The following RERG variants were observed in gnomAD, a reference collection of about 807,000 sequenced individuals.
RERG encodes RAS like estrogen regulated growth inhibitor.
RERG carries 25 observed loss-of-function variants against 23.2 expected under a neutral mutation model. That is an observed-to-expected ratio of 1.08 (90% CI 0.79 to 1.50). The LOEUF (loss-of-function observed/expected upper bound fraction) is 1.50. RERG is among the 40% of genes most tolerant of loss of function. RERG has a pLI of 0.00. For synonymous variants in RERG, 81 were observed against 89.1 expected, an observed-to-expected ratio of 0.91 and a Z score of 0.51; for missense variants, 253 against 250.1, an observed-to-expected ratio of 1.01 and a Z score of -0.08.
intron 3 of RERG, among the ~76,000 whole-genome samples, chr12:15,115,351 A>G (rs1219222341): frequency 6.6e-6 from 1 of 152,118 alleles, no homozygotes; most frequent in Non-Finnish European, 1.5e-5. Context: ...CAGATAATAA[A>G]TGGTAGAGGC....
intron 2 of RERG, among the ~76,000 whole-genome samples, chr12:15,204,809 A>C (rs1865262660): frequency 6.6e-6 from 1 of 151,880 alleles, no homozygotes; most frequent in Non-Finnish European, 1.5e-5. Flanking sequence ...TCTGATAATA[A>C]ATAGCTTACC....
Position 15,221,247 on chromosome 12 carries a change from G to A in RERG, c.-167C>T, listed in dbSNP as rs1865508734. ...CTACGGTCCTCTGCAAGTTCGGAAT[G>A]GGTCCCCCAAGATCGCGAAGCCCTC... is the stretch of plus-strand genomic sequence containing the variant. On this transcript the variant is annotated 5_prime_UTR_variant, in exon 1 of 5. Coordinates refer to ENST00000256953, the MANE Select transcript of RERG (RefSeq NM_032918.3). The A allele has an allele frequency of 6.6e-6, 1 of 152,348 alleles. No homozygotes were observed. Among genetic ancestry groups the A allele is most frequent in the Admixed American group, 6.5e-5 (1 of 15,292 alleles). The allele number at this position is 152,348 out of a possible 1,614,324, so 9.4% of individuals were successfully genotyped here. A position where few individuals can be genotyped will look rare whatever the true frequency, so the allele number is the denominator to read the frequency against.
At chr12:15,202,151 T>A (rs1187254720) in intron 2 of RERG, among the ~76,000 whole-genome samples, 1 of 151,830 alleles carries the variant, frequency 6.6e-6, no homozygotes, top group East Asian at 1.9e-4. Context: ...ATATATTTAA[T>A]GTTTACAATT....
intron 2 of RERG, among the ~76,000 whole-genome samples, chr12:15,162,993 A>G (rs1337468785): frequency 6.6e-6 from 1 of 152,206 alleles, no homozygotes; most frequent in Admixed American, 6.5e-5. Context: ...GATTTTTGCT[A>G]AGAATTTTGA....
At chr12:15,184,724 C>T (rs1285482403) in intron 2 of RERG, among the ~76,000 whole-genome samples, 1 of 152,086 alleles carries the variant, frequency 6.6e-6, no homozygotes, top group African/African-American at 2.4e-5. Flanking sequence ...ATGAATATTG[C>T]CAAGTCAGCT....
intron 2 of RERG, among the ~76,000 whole-genome samples, chr12:15,150,533 A>C (rs551226259): frequency 6.6e-6 from 1 of 152,280 alleles, no homozygotes; most frequent in South Asian, 2.1e-4. Context: ...CTAATATATC[A>C]TCGTAATATG....
At chr12:15,133,259 C>T (rs1435657555) in intron 2 of RERG, among the ~76,000 whole-genome samples, 1 of 150,958 alleles carries the variant, frequency 6.6e-6, no homozygotes, top group Non-Finnish European at 1.5e-5. Flanking sequence ...CCTCTCTTCC[C>T]CCTAAATCTT....
At chr12:15,192,819 G>A (rs1865089928) in intron 2 of RERG, among the ~76,000 whole-genome samples, 1 of 152,178 alleles carries the variant, frequency 6.6e-6, no homozygotes, top group African/African-American at 2.4e-5. Flanking sequence ...ATTTTGCAGA[G>A]TGTCTTTGAT....
Position 15,109,289 on chromosome 12 carries a change from C to G in RERG, c.421G>C (p.Ala141Pro). 6.2e-7 allele frequency: 1 copy of G among 1,614,122 alleles called. No individual in the cohort carries two copies. The highest frequency in any genetic ancestry group is 8.5e-7 in the Non-Finnish European group (1 of 1,180,010). Reference protein sequence around the residue: ...EEGEKLATELACAFYECSACT... With the variant: ...EEGEKLATELPCAFYECSACT... The stretch of plus-strand genomic sequence containing the variant: ...GCAGAGCACTCGTAAAAAGCACAAG[C>G]CAATTCTGTGGCCAGCTTCTCTCCT... Residue 141 changes from alanine to proline, a missense_variant, in exon 5 of 5, where the codon GCT becomes CCT. Coordinates refer to ENST00000256953, the MANE Select transcript of RERG (RefSeq NM_032918.3).
chr12:15,192,657 T>C (rs958048518), intron 2 of RERG, among the ~76,000 whole-genome samples: 2 of 152,172 alleles, frequency 1.3e-5, no homozygotes, highest in African/African-American at 4.8e-5. Context: ...TTTTTTCCAA[T>C]AATGCTGTTT....
chr12:15,177,178 C>T (rs566729557), intron 2 of RERG, among the ~76,000 whole-genome samples: 9 of 152,302 alleles, frequency 5.9e-5, no homozygotes, highest in South Asian at 2.1e-4. Context: ...CATGGCTGGA[C>T]GCTGTGGCTC....
intron 4 of RERG, among the ~76,000 whole-genome samples, chr12:15,110,255 C>A (rs978356160): frequency 1.3e-5 from 2 of 151,984 alleles, no homozygotes; most frequent in Non-Finnish European, 2.9e-5. Context: ...CATGCACCTC[C>A]CTGCTGCCTC....
intron 2 of RERG, among the ~76,000 whole-genome samples, chr12:15,163,856 A>G (rs1382568052): frequency 6.6e-6 from 1 of 152,146 alleles, no homozygotes; most frequent in Non-Finnish European, 1.5e-5. Context: ...ATGGGACCCA[A>G]TTACTCCACA....
chr12:15,214,881 G>A (rs535687638), intron 2 of RERG, among the ~76,000 whole-genome samples: 2 of 152,166 alleles, frequency 1.3e-5, no homozygotes, highest in East Asian at 3.9e-4. Flanking sequence ...AGTAGTTTGT[G>A]GTCGTTTTCA....
intron 2 of RERG, among the ~76,000 whole-genome samples, chr12:15,155,993 A>G (rs1049187373): frequency 8.7e-6 from 1 of 115,596 alleles, no homozygotes; most frequent in Admixed American, 9.2e-5. Flanking sequence ...CTTAAAGTAT[A>G]ATAAAAAAAT....
chr12:15,175,341 G>GTGTGTGTGTGTT (rs1425534361), intron 2 of RERG, among the ~76,000 whole-genome samples: 6 of 128,176 alleles, frequency 4.7e-5, no homozygotes, highest in African/African-American at 2.0e-4. Context: ...CTCTGTGTGT[G>GTGTGTGTGTGTT]TGTGTGTGTG....
chr12:15,166,499 A>ATGG lies in RERG; in HGVS notation c.62-45383_62-45381dup, dbSNP rs1555126073. 8.6e-4 allele frequency among the ~76,000 whole-genome samples: 129 copies of ATGG among 150,444 alleles called. 21 individuals carry two copies. The highest frequency in any genetic ancestry group is 2.3e-3 in the South Asian group (11 of 4,798). On this transcript the variant is annotated intron_variant, in intron 2 of 4. Coordinates refer to ENST00000256953, the MANE Select transcript of RERG (RefSeq NM_032918.3). Reference sequence around the variant, plus strand: ...GATGATGATGATGATGATGATGATGATGGGGATGGTGGTGATGGTGGTGAT... The same window carrying ATGG: ...GATGATGATGATGATGATGATGATGATGGTGGGGATGGTGGTGATGGTGGTGAT...
intron 2 of RERG, among the ~76,000 whole-genome samples, chr12:15,122,012 A>G (rs1197174102): frequency 6.7e-6 from 1 of 148,872 alleles, no homozygotes; most frequent in Non-Finnish European, 1.5e-5. Flanking sequence ...GTATAGTTGA[A>G]AACAGTGGTT....
At position 15,115,875 on chromosome 12, in the gene RERG, T is replaced by C. The variant is rs56792865; in HGVS notation, c.119-4458A>G. On this transcript the variant is annotated intron_variant, in intron 3 of 4. Transcript: ENST00000256953. Reference sequence around the variant, plus strand: ...CCTTGCCTTCTACTTCCATCAGTACTGTGTAGTGATCATTGCCATAAGCAC... The same window carrying C: ...CCTTGCCTTCTACTTCCATCAGTACCGTGTAGTGATCATTGCCATAAGCAC... Among the ~76,000 whole-genome samples, 937 of 152,318 alleles carry C rather than the reference T, an allele frequency of 6.2e-3. 7 individuals carry two copies. The highest frequency in any genetic ancestry group is 0.021 in the African/African-American group (893 of 41,570).
Sources: allele counts gnomAD v4.1 joint callset (sites outside exome capture counted in the v4.1 genomes callset), GRCh38; gene constraint gnomAD v4.1.1; transcripts MANE v1.5; gene names NCBI Gene and HGNC (gene_info 2026-07-23, HGNC 2026-07-21).